Variants in DAB1 observed in about 807,000 individuals in gnomAD.
DAB1 encodes the protein DAB adaptor protein 1.
Under a neutral mutation model 64.6 loss-of-function variants are expected in DAB1, and 15 were observed. The observed-to-expected ratio is 0.23, with a 90% CI of 0.16 to 0.36. The LOEUF (loss-of-function observed/expected upper bound fraction) is 0.36. Among genes scored for constraint, DAB1 ranks in the 10% least tolerant of loss-of-function variants. DAB1 has a pLI of 1.00. For synonymous variants in DAB1, 235 were observed against 251.9 expected, an observed-to-expected ratio of 0.93 and a Z score of 0.64; for missense variants, 596 against 706.7, an observed-to-expected ratio of 0.84 and a Z score of 1.78.
At chr1:57,972,614 G>A (rs892689679) in intron 5 of DAB1, among the ~76,000 whole-genome samples, 1 of 152,062 alleles carries the variant, frequency 6.6e-6, no homozygotes, top group East Asian at 1.9e-4. Flanking sequence ...ACTTTCAAAG[G>A]GTATAAGTAA....
chr1:58,337,125 T>C (rs992690552), intron 4 of DAB1, among the ~76,000 whole-genome samples: 1 of 151,444 alleles, frequency 6.6e-6, no homozygotes, highest in Non-Finnish European at 1.5e-5. Context: ...CTACTAAAAA[T>C]ACAAAAATTA....
At chr1:58,132,831 T>C (rs1653712933) in intron 5 of DAB1, among the ~76,000 whole-genome samples, 1 of 152,116 alleles carries the variant, frequency 6.6e-6, no homozygotes, top group Admixed American at 6.5e-5. Context: ...AAGTAGTAGG[T>C]CGCACCCTGG....
chr1:58,004,181 C>G (rs1461012454), intron 5 of DAB1, among the ~76,000 whole-genome samples: 1 of 152,200 alleles, frequency 6.6e-6, no homozygotes, highest in Admixed American at 6.5e-5. Context: ...CACTTACACT[C>G]TTACATTTAT....
chr1:57,355,873 A>AAC (rs10529674), intron 1 of DAB1, among the ~76,000 whole-genome samples: 6,564 of 146,106 alleles, frequency 0.045, 239 homozygotes, highest in East Asian at 0.2. Flanking sequence ...AACCTCAATA[A>AAC]ACACACACAC....
intron 2 of DAB1, among the ~76,000 whole-genome samples, chr1:57,227,395 A>T (rs1043432235): frequency 6.6e-6 from 1 of 152,198 alleles, no homozygotes; most frequent in Non-Finnish European, 1.5e-5. Context: ...AGAGAGAGAG[A>T]CACAGTAAAA....
chr1:57,252,350 T>G (rs1669410126), intron 2 of DAB1, among the ~76,000 whole-genome samples: 1 of 152,174 alleles, frequency 6.6e-6, no homozygotes, highest in South Asian at 2.1e-4. Context: ...TGAAGAAGTC[T>G]AGATGAGGTC....
intron 2 of DAB1, among the ~76,000 whole-genome samples, chr1:57,262,210 T>C (rs1251066824): frequency 6.6e-6 from 1 of 152,234 alleles, no homozygotes; most frequent in Non-Finnish European, 1.5e-5. Flanking sequence ...TTATTCCCAT[T>C]GTACCATTAA....
At chr1:58,215,332 G>T (rs998339892) in intron 4 of DAB1, among the ~76,000 whole-genome samples, 5 of 151,554 alleles carry the variant, frequency 3.3e-5, no homozygotes, top group African/African-American at 1.2e-4. Flanking sequence ...CCTCAGAGAT[G>T]CCTGAGGGTA....
intron 5 of DAB1, among the ~76,000 whole-genome samples, chr1:57,897,984 A>G (rs12402927): frequency 0.26 from 39,583 of 152,022 alleles, 5,762 homozygotes; most frequent in Non-Finnish European, 0.32. Flanking sequence ...ATCTGACAGC[A>G]GGTCCTGCAG....
intron 7 of DAB1, among the ~76,000 whole-genome samples, chr1:57,439,542 C>T (rs1047131048): frequency 6.7e-6 from 1 of 149,288 alleles, no homozygotes; most frequent in Non-Finnish European, 1.5e-5. Context: ...CATTCTCCTG[C>T]CTCAGCCTCC....
intron 7 of DAB1, among the ~76,000 whole-genome samples, chr1:57,448,370 A>G (rs1374245735): frequency 6.6e-6 from 1 of 152,240 alleles, no homozygotes; most frequent in Non-Finnish European, 1.5e-5. Flanking sequence ...ATAAAATACA[A>G]AACATTGAAA....
intron 4 of DAB1, among the ~76,000 whole-genome samples, chr1:58,291,903 T>C (rs752956342): frequency 1.2e-4 from 19 of 152,180 alleles, no homozygotes; most frequent in Non-Finnish European, 2.8e-4. Flanking sequence ...AAAAATTATT[T>C]CTGTGTGTGT....
intron 7 of DAB1, among the ~76,000 whole-genome samples, chr1:57,556,386 C>A (rs776010645): frequency 1.3e-5 from 2 of 152,118 alleles, no homozygotes; most frequent in African/African-American, 2.4e-5. Context: ...CTAGTTTACA[C>A]TCCCACCAAC....
chr1:58,257,081 T>C (rs17117197), intron 4 of DAB1, among the ~76,000 whole-genome samples: 15,565 of 152,272 alleles, frequency 0.1, 1,297 homozygotes, highest in African/African-American at 0.22. Context: ...CATTGGGCAT[T>C]GTTACATGGG....
At chr1:57,172,195 T>C (rs1205100289) in intron 2 of DAB1, among the ~76,000 whole-genome samples, 2 of 152,182 alleles carry the variant, frequency 1.3e-5, no homozygotes, top group South Asian at 2.1e-4. Flanking sequence ...GTGAAGTCAC[T>C]ATGACCTCGT....
At chr1:57,795,691 A>ATTT (rs1491252678) in intron 6 of DAB1, among the ~76,000 whole-genome samples, 1 of 3,378 alleles carries the variant, frequency 3.0e-4, no homozygotes, top group African/African-American at 1.2e-3. Context: ...ATGCTTGGAG[A>ATTT]TATATATATA....
intron 3 of DAB1, among the ~76,000 whole-genome samples, chr1:58,501,749 A>G (rs1275874245): frequency 6.6e-6 from 1 of 152,146 alleles, no homozygotes; most frequent in East Asian, 1.9e-4. Context: ...CTAAGGACTC[A>G]TGTGTTCCTC....
chr1:57,118,379 G>C lies in DAB1; in HGVS notation c.306+18164C>G, dbSNP rs1275755164. ...TTCATGTTTGGACAAGACACAACATGTATTAAGACACAACATATACTAGCA... is the reference window on the plus strand; with the variant it reads ...TTCATGTTTGGACAAGACACAACATCTATTAAGACACAACATATACTAGCA... On this transcript the variant is annotated intron_variant, in intron 4 of 14. Transcript: ENST00000371236. Among the ~76,000 whole-genome samples the C allele has an allele frequency of 2.0e-5, 3 of 152,128 alleles. 1 individual carries two copies. In the South Asian group the frequency reaches 6.2e-4, roughly 32 times the overall value.
At chr1:58,122,794 A>C (rs1652832816) in intron 5 of DAB1, among the ~76,000 whole-genome samples, 1 of 152,144 alleles carries the variant, frequency 6.6e-6, no homozygotes, top group Non-Finnish European at 1.5e-5. Flanking sequence ...AAATTAACAC[A>C]TTTCTGAAGG....
Sources: allele counts gnomAD v4.1 joint callset (sites outside exome capture counted in the v4.1 genomes callset), GRCh38; gene constraint gnomAD v4.1.1; transcripts MANE v1.5; gene names NCBI Gene and HGNC (gene_info 2026-07-23, HGNC 2026-07-21).